The following SETD5 variants were observed in gnomAD, a reference collection of about 807,000 sequenced individuals.
The protein encoded by SETD5 is histone-lysine N-methyltransferase SETD5.
In SETD5, 44 loss-of-function variants were observed where a neutral mutation model predicts 153.3. That is an observed-to-expected ratio of 0.29 (90% CI 0.23 to 0.37). SETD5 has a LOEUF of 0.37. Among genes scored for constraint, SETD5 ranks in the 10% least tolerant of loss-of-function variants. The pLI is 1.00. For missense variants in SETD5, 1,544 were observed against 1,768.0 expected (o/e 0.87, Z 2.27); for synonymous variants, 716 against 645.2 (o/e 1.11, Z -1.66).
At chr3:9,459,675 C>T (rs1199594983) in intron 17 of SETD5, among the ~76,000 whole-genome samples, 1 of 144,694 alleles carries the variant, frequency 6.9e-6, no homozygotes, top group African/African-American at 2.6e-5. Context: ...CCCAGCTACT[C>T]GCCACTGCAC....
chr3:9,430,277 G>A (rs2039807223), intron 3 of SETD5: 1 of 984,766 alleles, frequency 1.0e-6, no homozygotes, highest in Non-Finnish European at 1.2e-6. Context: ...CCTTAAAGAG[G>A]AAGACTTAAA....
chr3:9,402,124 T>C (rs1260374703), intron 1 of SETD5, among the ~76,000 whole-genome samples: 1 of 152,220 alleles, frequency 6.6e-6, no homozygotes, highest in Non-Finnish European at 1.5e-5. Context: ...CTTGTCTATA[T>C]ACATTTTGTT....
intron 1 of SETD5, among the ~76,000 whole-genome samples, chr3:9,418,466 T>C (rs1228069724): frequency 2.0e-5 from 3 of 152,228 alleles, no homozygotes; most frequent in African/African-American, 7.2e-5. Flanking sequence ...TTGAAGCTCC[T>C]AGCCCAAATT....
chr3:9,425,727 CA>C (rs2039087143), intron 2 of SETD5, among the ~76,000 whole-genome samples: 1 of 152,012 alleles, frequency 6.6e-6, no homozygotes, highest in Non-Finnish European at 1.5e-5. Context: ...AGGCATATGC[CA>C]ACATGCCCAG....
Position 9,476,065 on chromosome 3 carries a change from G to A in SETD5, c.4303G>A (p.Val1435Ile), listed in dbSNP as rs1470183444. 1 of 1,613,832 alleles carries A rather than the reference G, an allele frequency of 6.2e-7. No homozygotes were observed. The highest frequency in any genetic ancestry group is 1.7e-5 in the Admixed American group (1 of 60,020). ...ACTCCAGCCACTGCAAGGGTCAGGAGTCAAGACTCAGACGGGACTTTCCTA... is the reference window on the plus strand; with the variant it reads ...ACTCCAGCCACTGCAAGGGTCAGGAATCAAGACTCAGACGGGACTTTCCTA... ...YRLQPLQGSG[V>I]KTQTGLS The change falls in exon 23 of 23, where the codon GTC becomes ATC. Residue 1435 changes from valine to isoleucine, a missense_variant. Val to Ile is a conservative substitution (Grantham distance 29). Transcript: ENST00000402198.
At chr3:9,445,795 G>T in intron 13 of SETD5, 55 bp downstream of exon 13, 1 of 1,302,856 alleles carries the variant, frequency 7.7e-7, no homozygotes, top group Non-Finnish European at 1.1e-6. Context: ...CCTCCATCAT[G>T]TGAACCTCTT....
At chr3:9,457,764 A>G (rs7617427) in intron 17 of SETD5, among the ~76,000 whole-genome samples, 9,966 of 148,482 alleles carry the variant, frequency 0.067, 501 homozygotes, top group Admixed American at 0.12. Context: ...TTCATGAATC[A>G]TACGTGAGCC....
chr3:9,423,452 A>G (rs1408204568), intron 1 of SETD5, among the ~76,000 whole-genome samples: 1 of 152,172 alleles, frequency 6.6e-6, no homozygotes, highest in Admixed American at 6.5e-5. Flanking sequence ...TTAATAATAA[A>G]TTGAAACTGT....
rs201189533 is a variant in SETD5 at position 9,473,381 on chromosome 3, G to T, written c.3341G>T (p.Gly1114Val). The change falls in exon 20 of 23, where the codon GGT (glycine) becomes GTT (valine). Residue 1114 changes from glycine (G) to valine (V), a missense_variant. Physicochemically the swap from Gly to Val is moderately radical, Grantham distance 109. This residue lies in a region of SETD5 where 93 missense variants were observed against 93.4 expected (regional missense o/e 1.00). Transcript: ENST00000402198. ...SNSVSDTGAH[G>V]VQGSSARTPS... is the part of the protein sequence containing the mutation. ...TCCGTTTCCGACACTGGTGCCCATGGTGTGCAGGGATCCTCAGCCCGAACT... is the reference window on the plus strand; with the variant it reads ...TCCGTTTCCGACACTGGTGCCCATGTTGTGCAGGGATCCTCAGCCCGAACT... The T allele has an allele frequency of 9.9e-6, 16 of 1,613,958 alleles. No homozygotes were observed. In the Admixed American group the frequency reaches 2.5e-4, roughly 25 times the overall value.
intron 1 of SETD5, among the ~76,000 whole-genome samples, chr3:9,419,018 G>A (rs1049810686): frequency 2.0e-5 from 3 of 151,948 alleles, no homozygotes; most frequent in African/African-American, 4.8e-5. Context: ...GTAGAGACGG[G>A]GTTTCATCAT....
chr3:9,429,144 C>A, intron 3 of SETD5, 135 bp downstream of exon 3: 1 of 460,152 alleles, frequency 2.2e-6, no homozygotes, highest in Non-Finnish European at 3.7e-6. Context: ...TTAGACCTTT[C>A]CCTTTACCCC....
chr3:9,410,104 TACTAACATA>T (rs2125510318), intron 1 of SETD5, among the ~76,000 whole-genome samples: 2 of 152,336 alleles, frequency 1.3e-5, no homozygotes, highest in South Asian at 4.1e-4. Context: ...ATCTAGAATG[TACTAACATA>T]AACCTAGATG....
chr3:9,450,059 G>A (rs2042443931), intron 16 of SETD5, among the ~76,000 whole-genome samples: 1 of 152,194 alleles, frequency 6.6e-6, no homozygotes, highest in East Asian at 1.9e-4. Flanking sequence ...CTGGGTTGCA[G>A]TCTTTCTGTT....
intron 1 of SETD5, among the ~76,000 whole-genome samples, chr3:9,419,680 A>G (rs753607133): frequency 3.3e-5 from 5 of 152,182 alleles, no homozygotes; most frequent in Non-Finnish European, 7.3e-5. Flanking sequence ...GAACTTTACT[A>G]CTGTAGGTGT....
Position 9,466,010 on chromosome 3 carries a change from C to T in SETD5, c.2724+1338C>T, listed in dbSNP as rs528784593. ...GGAATTATGAAAATTAGAAGGAGGC[C>T]GGGCGCAGTGGCTCACACCTATAAT... is the stretch of plus-strand genomic sequence containing the variant. On this transcript the variant is annotated intron_variant, in intron 18 of 22. Transcript: ENST00000402198. Among the ~76,000 whole-genome samples, 11 of 152,076 alleles carry T rather than the reference C, an allele frequency of 7.2e-5. No homozygotes were observed. In the East Asian group the frequency reaches 1.4e-3, roughly 19 times the overall value.
At chr3:9,469,340 T>C (rs2045025695) in intron 18 of SETD5, among the ~76,000 whole-genome samples, 1 of 152,204 alleles carries the variant, frequency 6.6e-6, no homozygotes, top group Non-Finnish European at 1.5e-5. Context: ...TTTAGTAACA[T>C]TAACTCTGAA....
chr3:9,422,753 G>T (rs575178396), intron 1 of SETD5, among the ~76,000 whole-genome samples: 113 of 152,270 alleles, frequency 7.4e-4, no homozygotes, highest in African/African-American at 2.6e-3. Flanking sequence ...AGATTTTGGC[G>T]TTCTGTTGGT....
intron 3 of SETD5, chr3:9,432,453 T>G (rs928448158): frequency 4.4e-6 from 1 of 229,550 alleles, no homozygotes; most frequent in Non-Finnish European, 7.2e-6. Flanking sequence ...AAAAAATGAC[T>G]TGTTATTTCA....
intron 16 of SETD5, 82 bp downstream of exon 16, chr3:9,448,712 C>A: frequency 7.4e-7 from 1 of 1,353,688 alleles, no homozygotes; most frequent in South Asian, 1.6e-5. Context: ...ATCATCATGA[C>A]ATAAATAAAA....
Sources: gnomAD v4.1 joint callset for allele counts (sites outside exome capture counted in the v4.1 genomes callset) on GRCh38, gnomAD v4.1.1 for gene constraint, gnomAD v4.1.1 regional missense constraint, MANE v1.5 for transcripts, NCBI Gene and HGNC (gene_info 2026-07-23, HGNC 2026-07-21) for gene names.